DLC1: variants seen among roughly 807,000 people sequenced by gnomAD.
The protein encoded by DLC1 is DLC1 Rho GTPase activating protein.
A neutral mutation model predicts 140.3 loss-of-function variants in DLC1; 54 were observed. The observed-to-expected ratio is 0.38, with a 90% CI of 0.31 to 0.48. The LOEUF is 0.48. Among genes scored for constraint, DLC1 ranks in the 20% least tolerant of loss-of-function variants. The pLI is 0.96. For synonymous variants in DLC1, 986 were observed against 728.1 expected, an observed-to-expected ratio of 1.35 and a Z score of -5.70; for missense variants, 2,536 against 1,907.0, an observed-to-expected ratio of 1.33 and a Z score of -6.14.
chr8:13,261,609 C>T (rs1830472472), intron 5 of DLC1, among the ~76,000 whole-genome samples: 1 of 152,082 alleles, frequency 6.6e-6, no homozygotes, highest in African/African-American at 2.4e-5. Flanking sequence ...AGGTGCGAGG[C>T]AACCGTGTCT....
At chr8:13,440,902 C>A (rs922286508) in intron 2 of DLC1, among the ~76,000 whole-genome samples, 1 of 152,128 alleles carries the variant, frequency 6.6e-6, no homozygotes, top group African/African-American at 2.4e-5. Context: ...TCCAATTAAA[C>A]CTCCTCTTCT....
chr8:13,195,064 C>G (rs1237104282), intron 5 of DLC1, among the ~76,000 whole-genome samples: 1 of 152,156 alleles, frequency 6.6e-6, no homozygotes, highest in Non-Finnish European at 1.5e-5. Context: ...TTAAAAAATG[C>G]TTCAAATACA....
intron 6 of DLC1, among the ~76,000 whole-genome samples, chr8:13,111,247 C>T (rs961255324): frequency 2.6e-5 from 4 of 152,074 alleles, no homozygotes; most frequent in African/African-American, 9.7e-5. Flanking sequence ...GGAAAGAAAA[C>T]TGAGCCACAG....
intron 5 of DLC1, among the ~76,000 whole-genome samples, chr8:13,179,022 A>T (rs1825899549): frequency 1.3e-5 from 2 of 152,228 alleles, no homozygotes; most frequent in South Asian, 4.1e-4. Context: ...AAAATGATAC[A>T]AATGCCCATC....
chr8:13,470,950 A>C (rs1001126566), intron 2 of DLC1, among the ~76,000 whole-genome samples: 2 of 152,218 alleles, frequency 1.3e-5, no homozygotes, highest in African/African-American at 2.4e-5. Context: ...CATACAATGG[A>C]ATATTATTTA....
intron 4 of DLC1, among the ~76,000 whole-genome samples, chr8:13,344,766 T>TA (rs1834248860): frequency 6.6e-6 from 1 of 152,192 alleles, no homozygotes; most frequent in African/African-American, 2.4e-5. Flanking sequence ...TAACAATATT[T>TA]AGATTTTTTT....
intron 5 of DLC1, among the ~76,000 whole-genome samples, chr8:13,153,309 T>C (rs966449794): frequency 6.6e-6 from 1 of 152,170 alleles, no homozygotes; most frequent in Non-Finnish European, 1.5e-5. Context: ...GGAGTTGTTC[T>C]CTCCTCCCGG....
In DLC1 at chr8:13,499,324, A is replaced by G. The variant is rs1563400408; in HGVS notation, c.748T>C (p.Cys250Arg). The change falls in exon 2 of 18, where the codon TGC becomes CGC. Residue 250 changes from cysteine (C) to arginine (R), a missense_variant. Coordinates refer to ENST00000276297, the MANE Select transcript of DLC1 (RefSeq NM_182643.3). Reference protein sequence around the residue: ...PPKDENERSTCNVVQNEFLDT... With the variant: ...PPKDENERSTRNVVQNEFLDT... ...AAGAACTCATTTTGTACTACATTGC[A>G]GGTGCTTCTTTCATTTTCATCTTTA... 1.2e-6 allele frequency: 2 copies of G among 1,614,038 alleles called. No individual in the cohort carries two copies. Among genetic ancestry groups the G allele is most frequent in the Admixed American group, 1.7e-5 (1 of 59,996 alleles).
At chr8:13,526,706 G>A (rs376364713) in intron 1 of DLC1, among the ~76,000 whole-genome samples, 1 of 151,988 alleles carries the variant, frequency 6.6e-6, no homozygotes, top group Non-Finnish European at 1.5e-5. Context: ...CTCATTCATA[G>A]GTGGGAATTG....
At chr8:13,194,422 C>T (rs1476545163) in intron 5 of DLC1, among the ~76,000 whole-genome samples, 1 of 152,198 alleles carries the variant, frequency 6.6e-6, no homozygotes, top group African/African-American at 2.4e-5. Context: ...TAACAGCTTG[C>T]ATTTTTGTAA....
At chr8:13,405,748 C>A (rs539261984) in intron 2 of DLC1, among the ~76,000 whole-genome samples, 6 of 152,208 alleles carry the variant, frequency 3.9e-5, no homozygotes, top group East Asian at 3.9e-4. Context: ...ATTACTACAA[C>A]ATTAATTGCA....
At chr8:13,375,200 TG>T (rs1436221082) in intron 4 of DLC1, among the ~76,000 whole-genome samples, 1 of 152,090 alleles carries the variant, frequency 6.6e-6, no homozygotes, top group Non-Finnish European at 1.5e-5. Context: ...GCTAAATTTT[TG>T]TATTTTTAGT....
At chr8:13,182,346 T>C (rs1366009829) in intron 5 of DLC1, among the ~76,000 whole-genome samples, 2 of 152,210 alleles carry the variant, frequency 1.3e-5, no homozygotes, top group African/African-American at 4.8e-5. Flanking sequence ...TTGTCTATTT[T>C]GGCTTTTGTT....
At chr8:13,304,687 A>C in intron 5 of DLC1, 5 of 955,450 alleles carry the variant, frequency 5.2e-6, no homozygotes, top group Non-Finnish European at 6.2e-6. Context: ...TTTTAAAAAC[A>C]CATAGATCTA....
chr8:13,205,658 A>G (rs1414288342), intron 5 of DLC1, among the ~76,000 whole-genome samples: 3 of 152,212 alleles, frequency 2.0e-5, no homozygotes, highest in Non-Finnish European at 4.4e-5. Context: ...AGAAAGCTTG[A>G]CAAATTTATG....
intron 3 of DLC1, among the ~76,000 whole-genome samples, chr8:13,399,613 T>C (rs1386675733): frequency 6.6e-6 from 1 of 152,174 alleles, no homozygotes; most frequent in East Asian, 1.9e-4. Context: ...TCTGAGTGCC[T>C]GGGTAAAACC....
At chr8:13,356,001 A>C (rs1386633363) in intron 4 of DLC1, among the ~76,000 whole-genome samples, 1 of 138,904 alleles carries the variant, frequency 7.2e-6, no homozygotes, top group East Asian at 2.4e-4. Context: ...GAGGCAGGAG[A>C]ATGGCATGAA....
intron 1 of DLC1, among the ~76,000 whole-genome samples, chr8:13,521,041 T>A (rs770441478): frequency 6.6e-6 from 1 of 152,110 alleles, no homozygotes; most frequent in African/African-American, 2.4e-5. Context: ...GAAAACGTGG[T>A]CCATATACAC....
chr8:13,336,952 T>C (rs1833834248), intron 4 of DLC1, among the ~76,000 whole-genome samples: 1 of 151,924 alleles, frequency 6.6e-6, no homozygotes, highest in African/African-American at 2.4e-5. Flanking sequence ...GACTTACTAA[T>C]AGTTAGCTAA....
Sources: gnomAD v4.1 joint callset for allele counts (sites outside exome capture counted in the v4.1 genomes callset) on GRCh38, gnomAD v4.1.1 for gene constraint, MANE v1.5 for transcripts, NCBI Gene and HGNC (gene_info 2026-07-23, HGNC 2026-07-21) for gene names.